Variants in ICA1 observed in about 807,000 individuals in gnomAD.
ICA1 encodes the protein islet cell autoantigen 1.
Under a neutral mutation model 71.0 loss-of-function variants are expected in ICA1, and 40 were observed. That is an observed-to-expected ratio of 0.56 (90% CI 0.44 to 0.73). The LOEUF (loss-of-function observed/expected upper bound fraction) is 0.73, where lower values mean the gene tolerates loss of function less well. Ranked by LOEUF, ICA1 falls within the 30% of genes least tolerant of loss-of-function variation. ICA1 has a pLI of 0.00. For synonymous variants in ICA1, 207 were observed against 209.5 expected (o/e 0.99, Z 0.10); for missense variants, 578 against 576.5 (o/e 1.00, Z -0.03).
chr7:8,241,902 C>T (rs932906035), intron 1 of ICA1, among the ~76,000 whole-genome samples: 4 of 152,044 alleles, frequency 2.6e-5, no homozygotes, highest in African/African-American at 9.7e-5. Context: ...ACAAGAGCAC[C>T]CAGATTCATA....
At chr7:8,157,565 C>A in intron 7 of ICA1, 1 of 246,562 alleles carries the variant, frequency 4.1e-6, no homozygotes, top group Non-Finnish European at 7.6e-6. Flanking sequence ...TTTAAGCTGT[C>A]ACTGGCTTTC....
At chr7:8,115,333 C>T (rs1784449166) in intron 13 of ICA1, among the ~76,000 whole-genome samples, 1 of 152,106 alleles carries the variant, frequency 6.6e-6, no homozygotes, top group Non-Finnish European at 1.5e-5. Context: ...AGAGAGCTCA[C>T]TGTAGCTTAG....
At chr7:8,250,761 T>A (rs1012286373) in intron 1 of ICA1, among the ~76,000 whole-genome samples, 13 of 152,248 alleles carry the variant, frequency 8.5e-5, no homozygotes, top group African/African-American at 2.9e-4. Context: ...TCAGCAAATA[T>A]CACCAAGAGG....
chr7:8,260,245 C>T (rs540397302), intron 1 of ICA1, among the ~76,000 whole-genome samples: 4 of 152,284 alleles, frequency 2.6e-5, no homozygotes, highest in African/African-American at 9.6e-5. Context: ...ACTATTTAGT[C>T]AAATACCTTG....
chr7:8,232,379 CTA>C (rs2128461620), intron 3 of ICA1, among the ~76,000 whole-genome samples: 1 of 152,308 alleles, frequency 6.6e-6, no homozygotes, highest in South Asian at 2.1e-4. Flanking sequence ...TACATGGCGA[CTA>C]TGTTCTTAAA....
chr7:8,127,351 G>A (rs1285860403), intron 13 of ICA1, among the ~76,000 whole-genome samples: 2 of 152,110 alleles, frequency 1.3e-5, no homozygotes, highest in African/African-American at 4.8e-5. Flanking sequence ...AGGAGGTAAT[G>A]TTTGGCCCTG....
At chr7:8,237,193 TG>T (rs1485639725) in intron 1 of ICA1, among the ~76,000 whole-genome samples, 1 of 152,190 alleles carries the variant, frequency 6.6e-6, no homozygotes, top group African/African-American at 2.4e-5. Flanking sequence ...GAGCTGCTTT[TG>T]GGAATGACAT....
At chr7:8,141,011 T>A (rs1048913444) in intron 10 of ICA1, among the ~76,000 whole-genome samples, 2 of 152,184 alleles carry the variant, frequency 1.3e-5, no homozygotes, top group African/African-American at 4.8e-5. Flanking sequence ...TGGGGTAATT[T>A]TAGTTCTCTT....
In ICA1 at chr7:8,232,721, G is replaced by A. The variant is rs766937354; in HGVS notation, c.52C>T (p.Gln18Ter). ...YPWDLQDRYAQDKSVVNKMQQ... is the reference protein window; with the variant it reads ...YPWDLQDRYA The stretch of plus-strand genomic sequence containing the variant: ...ATCTTATTTACAACTGACTTATCTT[G>A]AGCATATCGATCCTGTAAGTCCCAG... The change falls in exon 3 of 14, where the codon CAA becomes TAA. Residue 18 changes from glutamine to a stop codon, truncating the protein, a stop_gained. Coordinates refer to ENST00000402384, the MANE Select transcript of ICA1 (RefSeq NM_001136020.3). LOFTEE classifies it high-confidence loss of function. 2 of 1,608,720 alleles carry A rather than the reference G, an allele frequency of 1.2e-6. No homozygotes were observed. Among genetic ancestry groups the A allele is most frequent in the South Asian group, 2.2e-5 (2 of 89,522 alleles).
chr7:8,137,922 G>C (rs1469963801), intron 12 of ICA1, among the ~76,000 whole-genome samples: 1 of 152,142 alleles, frequency 6.6e-6, no homozygotes, highest in Non-Finnish European at 1.5e-5. Flanking sequence ...TGTCTGCCCT[G>C]GTTGACTGGG....
intron 8 of ICA1, among the ~76,000 whole-genome samples, chr7:8,148,222 T>A (rs1388287337): frequency 6.6e-6 from 1 of 152,196 alleles, no homozygotes; most frequent in Non-Finnish European, 1.5e-5. Context: ...CAATAAACGC[T>A]GTGACAGAAA....
chr7:8,126,950 C>T (rs1317161316), intron 13 of ICA1, among the ~76,000 whole-genome samples: 1 of 151,634 alleles, frequency 6.6e-6, no homozygotes, highest in Non-Finnish European at 1.5e-5. Context: ...ACCTTGAACC[C>T]TTACTGATGT....
chr7:8,256,174 T>C (rs141959459), intron 1 of ICA1, among the ~76,000 whole-genome samples: 2 of 152,328 alleles, frequency 1.3e-5, no homozygotes, highest in Non-Finnish European at 2.9e-5. Flanking sequence ...GCTTAGGCCT[T>C]AAGAGGCAAT....
At chr7:8,162,413 C>T (rs1040241373) in intron 6 of ICA1, among the ~76,000 whole-genome samples, 13 of 152,128 alleles carry the variant, frequency 8.5e-5, no homozygotes, top group African/African-American at 2.2e-4. Context: ...CACTGTTGGG[C>T]GTTTTGAATA....
At chr7:8,157,326 A>G (rs113485428) in intron 7 of ICA1, 112 bp from the exon 8 acceptor site, 5 of 1,050,596 alleles carry the variant, frequency 4.8e-6, no homozygotes, top group African/African-American at 3.2e-5. Context: ...GCATGATTCT[A>G]ACTCATTTCC....
chr7:8,183,742 G>A (rs1165477457), intron 6 of ICA1, among the ~76,000 whole-genome samples: 2 of 152,136 alleles, frequency 1.3e-5, no homozygotes, highest in Non-Finnish European at 1.5e-5. Context: ...TTATTATTAG[G>A]AGTTGCATGC....
chr7:8,119,974 T>C (rs1371361272), intron 13 of ICA1, among the ~76,000 whole-genome samples: 2 of 152,202 alleles, frequency 1.3e-5, no homozygotes, highest in African/African-American at 4.8e-5. Context: ...CCTTTGTAAG[T>C]ATGGATTTTT....
chr7:8,259,412 C>G (rs1252098410), intron 1 of ICA1, among the ~76,000 whole-genome samples: 1 of 152,134 alleles, frequency 6.6e-6, no homozygotes, highest in Non-Finnish European at 1.5e-5. Flanking sequence ...GAGTGTTTTC[C>G]ATAAAGCCCA....
rs189485373 is a variant in ICA1, at chr7:8,162,481, G to T, written c.580-3829C>A. On this transcript the variant is annotated intron_variant, in intron 6 of 13. Transcript: ENST00000402384. ...GTCTGCTCTAGAAAACACATTTCCA[G>T]CCTGAAGCCTGAGGTTAAAACACCA... 2.0e-5 allele frequency among the ~76,000 whole-genome samples: 3 copies of T among 152,266 alleles called. No homozygotes were observed. In the East Asian group the frequency reaches 5.8e-4, roughly 29 times the overall value.
Sources: allele counts gnomAD v4.1 joint callset (sites outside exome capture counted in the v4.1 genomes callset), GRCh38; gene constraint gnomAD v4.1.1; transcripts MANE v1.5; gene names NCBI Gene and HGNC (gene_info 2026-07-23, HGNC 2026-07-21).